Variants in CSTPP1 observed in about 807,000 individuals in gnomAD.
The protein encoded by CSTPP1 is centriolar satellite-associated tubulin polyglutamylase complex regulator 1, also known as UPF0705 protein C11orf49.
At chr11:46,955,349 T>G in the CSTPP1 span, among the ~76,000 whole-genome samples, 3 of 150,542 alleles carry the variant, frequency 2.0e-5, no homozygotes, top group South Asian at 4.3e-4. Flanking sequence ...GTAGTGTGGT[T>G]TTTTTTTTGT....
At chr11:47,126,664 G>C in the CSTPP1 span, among the ~76,000 whole-genome samples, 1 of 149,434 alleles carries the variant, frequency 6.7e-6, no homozygotes, top group Non-Finnish European at 1.5e-5. Context: ...CAGCACGGTG[G>C]CTTATGCCTG....
At chr11:46,965,488 G>T in the CSTPP1 span, among the ~76,000 whole-genome samples, 1 of 152,086 alleles carries the variant, frequency 6.6e-6, no homozygotes, top group African/African-American at 2.4e-5. Context: ...GCCTCCCAAA[G>T]TGTTAGGATT....
the CSTPP1 span, among the ~76,000 whole-genome samples, chr11:47,017,173 ATTTTT>A: frequency 3.6e-5 from 3 of 82,212 alleles, no homozygotes; most frequent in Non-Finnish European, 4.6e-5. Flanking sequence ...AATTCTATGA[ATTTTT>A]TTTTTTTTTT....
chr11:47,143,669 C>T, the CSTPP1 span, among the ~76,000 whole-genome samples: 1 of 152,134 alleles, frequency 6.6e-6, no homozygotes, highest in Non-Finnish European at 1.5e-5. Context: ...TTCTTTTATC[C>T]CCAGATGATC....
the CSTPP1 span, among the ~76,000 whole-genome samples, chr11:47,096,208 A>G: frequency 6.6e-6 from 1 of 152,232 alleles, no homozygotes; most frequent in South Asian, 2.1e-4. Flanking sequence ...AGTAAAATAT[A>G]TGTAATATAG....
the CSTPP1 span, among the ~76,000 whole-genome samples, chr11:46,974,107 C>A: frequency 6.6e-6 from 1 of 152,150 alleles, no homozygotes; most frequent in East Asian, 1.9e-4. Context: ...TGGTGCACAC[C>A]TGTAGTCCCA....
At chr11:46,946,961 A>G in the CSTPP1 span, among the ~76,000 whole-genome samples, 1 of 152,244 alleles carries the variant, frequency 6.6e-6, no homozygotes, top group South Asian at 2.1e-4. Context: ...CCAGTTCAAC[A>G]AATAGTTACT....
At chr11:47,116,841 G>A in the CSTPP1 span, among the ~76,000 whole-genome samples, 2 of 151,858 alleles carry the variant, frequency 1.3e-5, no homozygotes, top group African/African-American at 4.8e-5. Flanking sequence ...CACCACGCCT[G>A]GCTAATTTTC....
chr11:46,983,909 C>CTTTCTATTTCT, the CSTPP1 span, among the ~76,000 whole-genome samples: 1 of 152,206 alleles, frequency 6.6e-6, no homozygotes, highest in African/African-American at 2.4e-5. Context: ...CCTTCACCCA[C>CTTTCTATTTCT]ACGTAAAAAG....
chr11:47,151,669 T>A, the CSTPP1 span, among the ~76,000 whole-genome samples: 10 of 151,708 alleles, frequency 6.6e-5, no homozygotes. Context: ...GGTGTTGCTG[T>A]TAACACAAGC....
chr11:47,071,045 G>T, the CSTPP1 span, among the ~76,000 whole-genome samples: 1 of 151,990 alleles, frequency 6.6e-6, no homozygotes, highest in African/African-American at 2.4e-5. Context: ...AATAGACCCA[G>T]CTCAAGTAGA....
chr11:47,002,962 C>T, the CSTPP1 span, among the ~76,000 whole-genome samples: 3 of 152,154 alleles, frequency 2.0e-5, no homozygotes, highest in Non-Finnish European at 2.9e-5. Context: ...TACACTCACA[C>T]GAGTCTTAAT....
chr11:47,136,875 ATAACT>A, the CSTPP1 span, among the ~76,000 whole-genome samples: 5 of 152,218 alleles, frequency 3.3e-5, no homozygotes, highest in African/African-American at 1.2e-4. Flanking sequence ...CAGCAACAAA[ATAACT>A]TAAGCATCAG....
At chr11:47,030,683 C>T in the CSTPP1 span, among the ~76,000 whole-genome samples, 1 of 152,120 alleles carries the variant, frequency 6.6e-6, no homozygotes, top group African/African-American at 2.4e-5. Context: ...ATCCTCCACC[C>T]TCCAATAGGC....
the CSTPP1 span, among the ~76,000 whole-genome samples, chr11:46,942,935 C>A: frequency 6.6e-6 from 1 of 151,954 alleles, no homozygotes. Context: ...AAAAACAAAC[C>A]AAAAAACCCC....
At chr11:47,085,516 C>T in the CSTPP1 span, among the ~76,000 whole-genome samples, 1 of 152,066 alleles carries the variant, frequency 6.6e-6, no homozygotes, top group Non-Finnish European at 1.5e-5. Flanking sequence ...CCAGGGAATG[C>T]AGTCAAACGT....
chr11:47,157,229 G>A, the CSTPP1 span: 1 of 1,550,046 alleles, frequency 6.5e-7, no homozygotes, highest in Non-Finnish European at 8.7e-7. Context: ...GTGAGGAACG[G>A]GCATGCAGCC....
the CSTPP1 span, among the ~76,000 whole-genome samples, chr11:47,049,365 G>A: frequency 3.3e-5 from 5 of 151,986 alleles, no homozygotes; most frequent in East Asian, 3.9e-4. Context: ...GGCCAGGCGC[G>A]GTGGCTCATG....
At chr11:47,064,736 TGTTTGTTTGTTTG>T in the CSTPP1 span, among the ~76,000 whole-genome samples, 1 of 152,136 alleles carries the variant, frequency 6.6e-6, no homozygotes, top group Non-Finnish European at 1.5e-5. Context: ...TTGTTTTGTT[TGTTTGTTTGTTTG>T]GTTTGTTTGT....
Sources: gnomAD v4.1 joint callset for allele counts (sites outside exome capture counted in the v4.1 genomes callset) on GRCh38, gnomAD v4.1.1 for gene constraint, MANE v1.5 for transcripts, NCBI Gene and HGNC (gene_info 2026-07-23, HGNC 2026-07-21) for gene names.